The following SLC16A7 variants were observed in gnomAD, a reference collection of about 807,000 sequenced individuals.
SLC16A7 encodes the protein monocarboxylate transporter 2.
In SLC16A7, 33 loss-of-function variants were observed where a neutral mutation model predicts 34.9. That is an observed-to-expected ratio of 0.94 (90% CI 0.72 to 1.26). The LOEUF (loss-of-function observed/expected upper bound fraction) is 1.26. SLC16A7 is among the 50% of genes most tolerant of loss of function. SLC16A7 has a pLI of 0.00. For synonymous variants in SLC16A7, 201 were observed against 206.6 expected, an observed-to-expected ratio of 0.97 and a Z score of 0.23; for missense variants, 573 against 578.1, an observed-to-expected ratio of 0.99 and a Z score of 0.09.
At chr12:59,676,679 T>C (rs17122823) in intron 2 of SLC16A7, among the ~76,000 whole-genome samples, 10,837 of 152,122 alleles carry the variant, frequency 0.071, 431 homozygotes, top group Middle Eastern at 0.17. Context: ...TTAAAGTATG[T>C]GACATTAAAG....
intron 1 of SLC16A7, among the ~76,000 whole-genome samples, chr12:59,649,994 T>G (rs1417072170): frequency 1.3e-5 from 2 of 152,130 alleles, no homozygotes; most frequent in East Asian, 3.9e-4. Flanking sequence ...AGTAAAAATT[T>G]TATAGATATT....
intron 1 of SLC16A7, among the ~76,000 whole-genome samples, chr12:59,614,682 C>T (rs1879354845): frequency 6.6e-6 from 1 of 151,360 alleles, no homozygotes. Flanking sequence ...AGGAGTCAGG[C>T]CCTTATATAA....
chr12:59,617,128 A>C (rs1879490060), intron 1 of SLC16A7, among the ~76,000 whole-genome samples: 1 of 152,048 alleles, frequency 6.6e-6, no homozygotes, highest in Non-Finnish European at 1.5e-5. Flanking sequence ...ATAGGGAATA[A>C]AAAATTTAAT....
intron 3 of SLC16A7, among the ~76,000 whole-genome samples, chr12:59,747,194 T>A (rs1252159115): frequency 6.6e-6 from 1 of 152,192 alleles, no homozygotes; most frequent in Admixed American, 6.5e-5. Flanking sequence ...CATATATGTG[T>A]ATACATCTAA....
At chr12:59,650,758 A>C (rs563314025) in intron 1 of SLC16A7, among the ~76,000 whole-genome samples, 2 of 152,088 alleles carry the variant, frequency 1.3e-5, no homozygotes, top group South Asian at 4.1e-4. Flanking sequence ...ACTCCATGCA[A>C]ATTCAGCAAT....
In SLC16A7 at chr12:59,706,834, G is replaced by T. The variant is rs145244830; in HGVS notation, c.217+1816G>T. 9.3e-4 allele frequency among the ~76,000 whole-genome samples: 142 copies of T among 152,158 alleles called. 2 individuals are homozygous for T. The highest frequency in any genetic ancestry group is 3.3e-3 in the African/African-American group (138 of 41,522). On this transcript the variant is annotated intron_variant, in intron 3 of 5. Coordinates refer to ENST00000547379, the MANE Select transcript of SLC16A7 (RefSeq NM_001270623.2). ...GAATTAATATAAGTCCATTGAATTTGAACTTCAGGTCTTACATAGTCATAA... is the reference window on the plus strand; with the variant it reads ...GAATTAATATAAGTCCATTGAATTTTAACTTCAGGTCTTACATAGTCATAA...
intron 1 of SLC16A7, among the ~76,000 whole-genome samples, chr12:59,611,425 A>G (rs923405882): frequency 6.6e-6 from 1 of 152,192 alleles, no homozygotes; most frequent in Non-Finnish European, 1.5e-5. Context: ...TTAATTATTT[A>G]TCACTAGGTC....
rs543294501 is a variant in SLC16A7 at position 59,613,143 on chromosome 12, G to A, written c.-130+16907G>A. On this transcript the variant is annotated intron_variant, in intron 1 of 5. Coordinates refer to ENST00000547379, the MANE Select transcript of SLC16A7 (RefSeq NM_001270623.2). Reference sequence around the variant, plus strand: ...GACTAACAGTTCCACATGGCTGCGAGGCCGCAGAAAACTTACAACTATGGT... The same window carrying A: ...GACTAACAGTTCCACATGGCTGCGAAGCCGCAGAAAACTTACAACTATGGT... 3.3e-5 allele frequency among the ~76,000 whole-genome samples: 5 copies of A among 152,356 alleles called. No homozygotes were observed. The South Asian group carries it at 6.2e-4, about 19-fold the overall frequency.
chr12:59,759,435 G>T (rs2137380481), intron 3 of SLC16A7, among the ~76,000 whole-genome samples: 1 of 152,012 alleles, frequency 6.6e-6, no homozygotes, highest in South Asian at 2.1e-4. Flanking sequence ...AAGAAACATG[G>T]TAAATTATAT....
chr12:59,776,731 C>G (rs570954050), intron 5 of SLC16A7, among the ~76,000 whole-genome samples: 5 of 152,006 alleles, frequency 3.3e-5, no homozygotes, highest in African/African-American at 1.2e-4. Context: ...GCTCTAAGAC[C>G]TAGGTGGTGT....
At chr12:59,607,806 T>C (rs1447834240) in intron 1 of SLC16A7, among the ~76,000 whole-genome samples, 1 of 152,208 alleles carries the variant, frequency 6.6e-6, no homozygotes, top group Non-Finnish European at 1.5e-5. Flanking sequence ...GTAGATGTTA[T>C]TATTTCCATT....
chr12:59,723,904 C>T (rs1875919976), intron 3 of SLC16A7, among the ~76,000 whole-genome samples: 1 of 151,774 alleles, frequency 6.6e-6, no homozygotes, highest in Admixed American at 6.6e-5. Flanking sequence ...GAAGTATATT[C>T]CCACTTATAG....
At position 59,596,399 on chromosome 12, in the gene SLC16A7, A is replaced by G. The variant is rs915606345; in HGVS notation, c.-130+163A>G. The stretch of plus-strand genomic sequence containing the variant: ...CAAACGTGCCAACGCAGAGTTGGCC[A>G]GCGAGCCCTTATATAGACAAAAAAA... On this transcript the variant is annotated intron_variant, in intron 1 of 5. Coordinates refer to ENST00000547379, the MANE Select transcript of SLC16A7 (RefSeq NM_001270623.2). The surrounding 1 kb of genome is among the most constrained non-coding windows in gnomAD (Gnocchi z 5.0). Among the ~76,000 whole-genome samples, 7 of 152,074 alleles carry G rather than the reference A, an allele frequency of 4.6e-5. No individual in the cohort carries two copies. Among genetic ancestry groups the G allele is most frequent in the African/African-American group, 1.7e-4 (7 of 41,380 alleles).
intron 2 of SLC16A7, among the ~76,000 whole-genome samples, chr12:59,674,364 C>A (rs1456327624): frequency 6.6e-6 from 1 of 152,132 alleles, no homozygotes; most frequent in African/African-American, 2.4e-5. Flanking sequence ...CACATAGGAG[C>A]TGTTTGATAA....
chr12:59,716,720 G>C (rs142012000), intron 3 of SLC16A7, among the ~76,000 whole-genome samples: 7 of 152,204 alleles, frequency 4.6e-5, no homozygotes, highest in Non-Finnish European at 1.0e-4. Flanking sequence ...ATGGTGGTGT[G>C]TGCTGTGTCC....
intron 3 of SLC16A7, among the ~76,000 whole-genome samples, chr12:59,734,505 C>T (rs569204679): frequency 6.6e-6 from 1 of 152,302 alleles, no homozygotes; most frequent in African/African-American, 2.4e-5. Flanking sequence ...CATGGCTAGG[C>T]AGCAGCAGCA....
intron 1 of SLC16A7, among the ~76,000 whole-genome samples, chr12:59,600,016 A>T (rs910033765): frequency 6.6e-6 from 1 of 152,044 alleles, no homozygotes; most frequent in Non-Finnish European, 1.5e-5. Context: ...CTGGGTTTTG[A>T]TTTTAGCTTT....
chr12:59,763,667 A>C (rs1396361709), intron 3 of SLC16A7, among the ~76,000 whole-genome samples: 1 of 152,146 alleles, frequency 6.6e-6, no homozygotes, highest in Non-Finnish European at 1.5e-5. Context: ...CAAATACTGC[A>C]TTAATTACAA....
chr12:59,625,605 A>T (rs1380947217), intron 1 of SLC16A7, among the ~76,000 whole-genome samples: 2 of 151,972 alleles, frequency 1.3e-5, no homozygotes, highest in South Asian at 2.1e-4. Flanking sequence ...GTAGTGAGGA[A>T]TAAATGAGTT....
Sources: gnomAD v4.1 joint callset for allele counts (sites outside exome capture counted in the v4.1 genomes callset) on GRCh38, gnomAD v4.1.1 for gene constraint, Gnocchi (gnomAD v3.1) non-coding constraint, MANE v1.5 for transcripts, NCBI Gene and HGNC (gene_info 2026-07-23, HGNC 2026-07-21) for gene names.